KAZN: variants seen among roughly 807,000 people sequenced by gnomAD.
KAZN encodes the protein kazrin.
In KAZN, 40 loss-of-function variants were observed where a neutral mutation model predicts 87.4. That is an observed-to-expected ratio of 0.46 (90% CI 0.36 to 0.60). The LOEUF is 0.60. Among genes scored for constraint, KAZN ranks in the 20% least tolerant of loss-of-function variants. The pLI is 0.00. For synonymous variants in KAZN, 466 were observed against 458.3 expected (o/e 1.02, Z -0.22); for missense variants, 898 against 1,073.9 (o/e 0.84, Z 2.29).
At chr1:14,603,195 G>T (rs924951157) in intron 1 of KAZN, among the ~76,000 whole-genome samples, 2 of 152,204 alleles carry the variant, frequency 1.3e-5, no homozygotes, top group Non-Finnish European at 2.9e-5. Context: ...AATTCATTCT[G>T]CCTCTGCTCT....
chr1:14,419,594 T>G (rs1231092374), intron 2 of KAZN, among the ~76,000 whole-genome samples: 1 of 152,212 alleles, frequency 6.6e-6, no homozygotes, highest in African/African-American at 2.4e-5. Context: ...CCTCGCGATT[T>G]GAGTGTTACA....
chr1:15,074,847 G>A (rs1639668820), intron 8 of KAZN, among the ~76,000 whole-genome samples: 1 of 152,184 alleles, frequency 6.6e-6, no homozygotes, highest in African/African-American at 2.4e-5. Flanking sequence ...AAAGATACTA[G>A]GTCAGAGTGT....
chr1:14,600,324 T>C (rs1485048629), intron 1 of KAZN, among the ~76,000 whole-genome samples: 1 of 152,172 alleles, frequency 6.6e-6, no homozygotes, highest in African/African-American at 2.4e-5. Context: ...AGAGCTTCTC[T>C]TGAGGGTTGA....
At chr1:14,514,331 T>TATATATATATATATATTTATATATATA (rs1671088921) in intron 2 of KAZN, among the ~76,000 whole-genome samples, 1 of 14,082 alleles carries the variant, frequency 7.1e-5, no homozygotes, top group African/African-American at 3.0e-4. Context: ...TCTCAAAAAA[T>TATATATATATATATATTTATATATATA]TTATATATAT....
At chr1:14,101,503 G>A (rs1644247952) in intron 1 of KAZN, among the ~76,000 whole-genome samples, 1 of 152,226 alleles carries the variant, frequency 6.6e-6, no homozygotes, top group South Asian at 2.1e-4. Flanking sequence ...AAGGCTGGCT[G>A]GGGATGGGAG....
chr1:14,262,018 T>C lies in KAZN; in HGVS notation c.249+81426T>C, dbSNP rs534717129. 2.0e-5 allele frequency among the ~76,000 whole-genome samples: 3 copies of C among 152,008 alleles called. No individual in the cohort carries two copies. In the East Asian group the frequency reaches 5.8e-4, roughly 29 times the overall value. ...ACCCTGAGATTTTAATAGTCATGTA[T>C]GTATTTAATCTATGTTGGAGAAATA... On this transcript the variant is annotated intron_variant, in intron 2 of 16. Transcript: ENST00000636203.
At chr1:14,118,366 C>T (rs1289425982) in intron 1 of KAZN, among the ~76,000 whole-genome samples, 4 of 152,154 alleles carry the variant, frequency 2.6e-5, no homozygotes, top group Non-Finnish European at 5.9e-5. Context: ...ATTCATTCTT[C>T]CCCCATCCCC....
At chr1:14,482,207 C>A (rs573255242) in intron 2 of KAZN, among the ~76,000 whole-genome samples, 3 of 152,196 alleles carry the variant, frequency 2.0e-5, no homozygotes, top group Admixed American at 6.5e-5. Flanking sequence ...TAGCTGATAC[C>A]CCAACCTACC....
chr1:14,988,644 G>A (rs1179170938), intron 2 of KAZN, among the ~76,000 whole-genome samples: 1 of 152,250 alleles, frequency 6.6e-6, no homozygotes, highest in African/African-American at 2.4e-5. Flanking sequence ...AGCCAGCTGT[G>A]CTTCTGATTA....
At chr1:14,945,453 C>T (rs1227911137) in intron 1 of KAZN, among the ~76,000 whole-genome samples, 1 of 152,264 alleles carries the variant, frequency 6.6e-6, no homozygotes, top group African/African-American at 2.4e-5. Flanking sequence ...AGGATGTGAT[C>T]CCCGTGCCCC....
intron 1 of KAZN, among the ~76,000 whole-genome samples, chr1:14,831,339 T>TCTGCTGCTGCTG (rs565802471): frequency 2.6e-5 from 4 of 152,074 alleles, no homozygotes; most frequent in Admixed American, 6.5e-5. Flanking sequence ...TCCCAGTTCC[T>TCTGCTGCTGCTG]CTGCTGCTGC....
chr1:14,938,739 T>G (rs1660734494), intron 1 of KAZN, among the ~76,000 whole-genome samples: 1 of 152,078 alleles, frequency 6.6e-6, no homozygotes, highest in African/African-American at 2.4e-5. Flanking sequence ...CTGGCGACAG[T>G]TGGTCAGAAT....
At position 15,103,519 on chromosome 1, in the gene KAZN, C is replaced by CACA. The variant is rs1433877132; in HGVS notation, c.1881+59_1881+60insACA. 8 of 1,105,740 alleles carry CACA rather than the reference C, an allele frequency of 7.2e-6. No homozygotes were observed. In the African/African-American group the frequency reaches 1.3e-4, roughly 17 times the overall value. The allele number at this position is 1,105,740 out of a possible 1,614,324, so 68.5% of individuals were successfully genotyped here. On this transcript the variant is annotated intron_variant, in intron 12 of 14. Transcript: ENST00000376030. ...GGGCATACACAAACCCCATGCAAATCTATATGCAAATCAATATGCAAATCA... is the reference window on the plus strand; with the variant it reads ...GGGCATACACAAACCCCATGCAAATCACATATATGCAAATCAATATGCAAATCA...
chr1:14,340,976 C>T (rs1657673631), intron 2 of KAZN, among the ~76,000 whole-genome samples: 1 of 143,362 alleles, frequency 7.0e-6, no homozygotes, highest in African/African-American at 2.6e-5. Flanking sequence ...CAACCTCTGC[C>T]TCCCGGGTTC....
chr1:13,898,376 A>G (rs1639123201), intron 1 of KAZN, among the ~76,000 whole-genome samples: 2 of 152,320 alleles, frequency 1.3e-5, no homozygotes, highest in East Asian at 1.9e-4. Flanking sequence ...CTTGCAGACC[A>G]TAGCTGGTGG....
At chr1:14,869,326 C>T (rs563340385) in intron 1 of KAZN, among the ~76,000 whole-genome samples, 40 of 152,252 alleles carry the variant, frequency 2.6e-4, no homozygotes, top group African/African-American at 9.4e-4. Flanking sequence ...TGTGTGAGCA[C>T]AATTCAGGGG....
intron 2 of KAZN, among the ~76,000 whole-genome samples, chr1:14,368,886 C>T (rs12737719): frequency 0.037 from 5,610 of 152,128 alleles, 128 homozygotes; most frequent in East Asian, 0.055. Flanking sequence ...AGTACATTAA[C>T]GGTGCCCGTG....
intron 2 of KAZN, among the ~76,000 whole-genome samples, chr1:15,000,783 G>A (rs1221761189): frequency 6.6e-6 from 1 of 151,978 alleles, no homozygotes; most frequent in Non-Finnish European, 1.5e-5. Flanking sequence ...TTGTACGTTT[G>A]GATCAACATT....
rs535122693 is a variant in KAZN at position 14,360,112 on chromosome 1, A to G, written c.249+179520A>G. Among the ~76,000 whole-genome samples the G allele has an allele frequency of 2.0e-3, 304 of 152,210 alleles. 1 individual carries two copies. The Middle Eastern group carries it at 0.031, about 15-fold the overall frequency. Reference sequence around the variant, plus strand: ...AGGTTTGGTCTTTTCACATAATCCCATATTTCTTGGAGGCTTTGTTCATTC... The same window carrying G: ...AGGTTTGGTCTTTTCACATAATCCCGTATTTCTTGGAGGCTTTGTTCATTC... On this transcript the variant is annotated intron_variant, in intron 2 of 16. Coordinates refer to the KAZN transcript ENST00000636203.
Sources: gnomAD v4.1 joint callset for allele counts (sites outside exome capture counted in the v4.1 genomes callset) on GRCh38, gnomAD v4.1.1 for gene constraint, MANE v1.5 for transcripts, NCBI Gene and HGNC (gene_info 2026-07-23, HGNC 2026-07-21) for gene names.